Variants in SMYD3 observed in about 807,000 individuals in gnomAD.
SMYD3 encodes histone-lysine N-methyltransferase SMYD3.
A neutral mutation model predicts 57.7 loss-of-function variants in SMYD3; 36 were observed. That is an observed-to-expected ratio of 0.62 (90% CI 0.48 to 0.82). The LOEUF (loss-of-function observed/expected upper bound fraction) is 0.82, where lower values mean the gene tolerates loss of function less well. Ranked by LOEUF, SMYD3 falls within the 40% of genes least tolerant of loss-of-function variation. SMYD3 has a pLI of 0.00. For missense variants in SMYD3, 515 were observed against 538.8 expected (o/e 0.96, Z 0.44); for synonymous variants, 211 against 195.0 (o/e 1.08, Z -0.68).
At chr1:245,908,073 T>C (rs937808241) in intron 8 of SMYD3, among the ~76,000 whole-genome samples, 19 of 151,442 alleles carry the variant, frequency 1.3e-4, no homozygotes, top group African/African-American at 4.4e-4. Context: ...GAGTTGGAGG[T>C]TGCAGTGAGC....
intron 5 of SMYD3, among the ~76,000 whole-genome samples, chr1:246,251,001 T>C (rs1443312510): frequency 6.6e-6 from 1 of 152,250 alleles, no homozygotes; most frequent in Non-Finnish European, 1.5e-5. Context: ...TATATATTTA[T>C]GGGCTATATA....
chr1:246,272,540 G>A (rs796099191), intron 5 of SMYD3, among the ~76,000 whole-genome samples: 12 of 152,244 alleles, frequency 7.9e-5, no homozygotes, highest in African/African-American at 2.6e-4. Flanking sequence ...AGATGATCAC[G>A]TGGGGTTTTT....
At chr1:246,384,806 A>G (rs2066448610) in intron 1 of SMYD3, among the ~76,000 whole-genome samples, 1 of 152,214 alleles carries the variant, frequency 6.6e-6, no homozygotes, top group Admixed American at 6.5e-5. Flanking sequence ...ATACTGTGAC[A>G]GCTCAGTAAA....
chr1:245,825,136 C>T (rs935038417), intron 10 of SMYD3, among the ~76,000 whole-genome samples: 2 of 152,176 alleles, frequency 1.3e-5, no homozygotes, highest in Non-Finnish European at 2.9e-5. Context: ...CACCCAGACA[C>T]GTGAGAATGC....
chr1:245,855,059 G>T (rs1003031469), intron 10 of SMYD3, among the ~76,000 whole-genome samples: 3 of 152,130 alleles, frequency 2.0e-5, no homozygotes, highest in African/African-American at 7.2e-5. Flanking sequence ...TTTAAGGAGT[G>T]GGACAACAGT....
intron 10 of SMYD3, among the ~76,000 whole-genome samples, chr1:245,843,568 GTGTGTGTGTGTA>G (rs1215391536): frequency 7.3e-6 from 1 of 136,398 alleles, no homozygotes; most frequent in Non-Finnish European, 1.5e-5. Flanking sequence ...GTGTGTGTGT[GTGTGTGTGTGTA>G]TGTGCATATA....
intron 10 of SMYD3, among the ~76,000 whole-genome samples, chr1:245,798,952 A>C (rs2047723353): frequency 6.6e-6 from 1 of 151,864 alleles, no homozygotes; most frequent in Admixed American, 6.5e-5. Context: ...CAGCCTGATG[A>C]TGTCCTTGTT....
chr1:246,504,665 C>T (rs1410503966), intron 1 of SMYD3, among the ~76,000 whole-genome samples: 1 of 151,976 alleles, frequency 6.6e-6, no homozygotes, highest in Non-Finnish European at 1.5e-5. Context: ...ATTTTCATTC[C>T]ATACTTAATT....
intron 5 of SMYD3, among the ~76,000 whole-genome samples, chr1:246,166,414 A>G (rs1042422785): frequency 3.3e-5 from 5 of 152,238 alleles, no homozygotes; most frequent in African/African-American, 1.2e-4. Context: ...ATGCTGCCTG[A>G]GCACACATGT....
At chr1:246,367,354 T>G (rs1246665890) in intron 1 of SMYD3, among the ~76,000 whole-genome samples, 1 of 152,222 alleles carries the variant, frequency 6.6e-6, no homozygotes, top group African/African-American at 2.4e-5. Context: ...TTGTTTCTCT[T>G]GTGCAACCAA....
rs184757730 is a variant in SMYD3, at chr1:246,382,496, C to G, written c.165-27402G>C. Among the ~76,000 whole-genome samples the G allele has an allele frequency of 1.9e-4, 29 of 152,118 alleles. 1 individual carries two copies. Among genetic ancestry groups the G allele is most frequent in the Non-Finnish European group, 8.8e-5 (6 of 67,984 alleles). On this transcript the variant is annotated intron_variant, in intron 1 of 11. Coordinates refer to ENST00000490107, the MANE Select transcript of SMYD3 (RefSeq NM_001167740.2). The stretch of plus-strand genomic sequence containing the variant: ...AGGCACCAGGCTAGCACCTGTGAAC[C>G]CAGGCTCCAGACCAAGCCCCGTGGA...
At chr1:246,149,016 G>A (rs2061900590) in intron 5 of SMYD3, among the ~76,000 whole-genome samples, 1 of 152,222 alleles carries the variant, frequency 6.6e-6, no homozygotes, top group Non-Finnish European at 1.5e-5. Flanking sequence ...GTTTGGCAAT[G>A]CAGTTAGAGA....
At chr1:246,501,546 A>G (rs543352117) in intron 1 of SMYD3, among the ~76,000 whole-genome samples, 1 of 152,292 alleles carries the variant, frequency 6.6e-6, no homozygotes, top group Non-Finnish European at 1.5e-5. Context: ...TGACCACATG[A>G]GGACCTCTAA....
chr1:246,171,308 A>C (rs969344183), intron 5 of SMYD3, among the ~76,000 whole-genome samples: 5 of 152,232 alleles, frequency 3.3e-5, no homozygotes, highest in African/African-American at 1.2e-4. Flanking sequence ...ACATTAATAT[A>C]ATCCCTCCTT....
rs190152491 is a variant in SMYD3, at chr1:245,774,423, T to A, written c.1077-10274A>T. Among the ~76,000 whole-genome samples the A allele has an allele frequency of 3.3e-5, 5 of 152,270 alleles. No individual in the cohort carries two copies. The East Asian group carries it at 9.6e-4, about 29-fold the overall frequency. On this transcript the variant is annotated intron_variant, in intron 10 of 11. Coordinates refer to ENST00000490107, the MANE Select transcript of SMYD3 (RefSeq NM_001167740.2). ...AAAGAAAGCCAGTGGAATGACATCT[T>A]CCATGTTCTGAGGAAAACAAACTCC... is the stretch of plus-strand genomic sequence containing the variant.
At chr1:245,857,456 C>G (rs1164350805) in intron 10 of SMYD3, among the ~76,000 whole-genome samples, 1 of 111,408 alleles carries the variant, frequency 9.0e-6, no homozygotes, top group Non-Finnish European at 2.3e-5. Flanking sequence ...GTACCCTGGA[C>G]TCTCACGTTT....
At chr1:246,037,873 T>C (rs1346173388) in intron 5 of SMYD3, among the ~76,000 whole-genome samples, 1 of 152,250 alleles carries the variant, frequency 6.6e-6, no homozygotes, top group Non-Finnish European at 1.5e-5. Flanking sequence ...CAACTCCTTA[T>C]TCATCAGAGC....
chr1:246,324,312 G>A (rs780208343), intron 5 of SMYD3, among the ~76,000 whole-genome samples: 5 of 151,754 alleles, frequency 3.3e-5, no homozygotes, highest in Non-Finnish European at 7.4e-5. Context: ...CTCCTTGGGA[G>A]GCTGAGGCAG....
intron 5 of SMYD3, among the ~76,000 whole-genome samples, chr1:246,050,545 G>A (rs1166567996): frequency 2.6e-5 from 4 of 152,198 alleles, no homozygotes; most frequent in Admixed American, 6.5e-5. Context: ...CAGGTCCAAC[G>A]TAAATGGTGA....
Sources: gnomAD v4.1 joint callset for allele counts (sites outside exome capture counted in the v4.1 genomes callset) on GRCh38, gnomAD v4.1.1 for gene constraint, MANE v1.5 for transcripts, NCBI Gene and HGNC (gene_info 2026-07-23, HGNC 2026-07-21) for gene names.